KLHL29: variants seen among roughly 807,000 people sequenced by gnomAD.
The protein encoded by KLHL29 is kelch like family member 29.
KLHL29 carries 21 observed loss-of-function variants against 80.4 expected under a neutral mutation model. That is an observed-to-expected ratio of 0.26 (90% CI 0.19 to 0.38). The LOEUF (loss-of-function observed/expected upper bound fraction) is 0.38. Among genes scored for constraint, KLHL29 ranks in the 10% least tolerant of loss-of-function variants. The probability of loss-of-function intolerance (pLI) is 1.00; values close to 1 mark genes in which losing one functional copy is unlikely to be tolerated. For synonymous variants in KLHL29, 511 were observed against 526.8 expected (o/e 0.97, Z 0.41); for missense variants, 867 against 1,223.9 (o/e 0.71, Z 4.35).
chr2:23,606,175 A>AGC (rs1249081010), intron 3 of KLHL29, among the ~76,000 whole-genome samples: 1 of 120,972 alleles, frequency 8.3e-6, no homozygotes, highest in Non-Finnish European at 1.7e-5. Context: ...TGTGTGCGTG[A>AGC]GAGAGAGAGA....
intron 3 of KLHL29, among the ~76,000 whole-genome samples, chr2:23,634,613 C>T (rs567179220): frequency 6.6e-6 from 1 of 152,322 alleles, no homozygotes; most frequent in Admixed American, 6.5e-5. Flanking sequence ...AGTCACTCCT[C>T]AGTGTCCATG....
At chr2:23,481,496 C>T (rs547822130) in intron 2 of KLHL29, among the ~76,000 whole-genome samples, 219 of 152,324 alleles carry the variant, frequency 1.4e-3, no homozygotes, top group African/African-American at 5.0e-3. Flanking sequence ...AGTCAGCCCT[C>T]GCTGGAAAGA....
chr2:23,552,908 C>T (rs1572396321), intron 2 of KLHL29, among the ~76,000 whole-genome samples: 1 of 151,854 alleles, frequency 6.6e-6, no homozygotes, highest in Admixed American at 6.6e-5. Flanking sequence ...TACAGGAGCC[C>T]GTCATCACAT....
intron 1 of KLHL29, among the ~76,000 whole-genome samples, chr2:23,460,538 G>A (rs1257498811): frequency 6.6e-6 from 1 of 152,138 alleles, no homozygotes; most frequent in Non-Finnish European, 1.5e-5. Flanking sequence ...CAAGAATGGG[G>A]TGAAAATGGC....
At chr2:23,404,767 C>T (rs1307862403) in intron 1 of KLHL29, among the ~76,000 whole-genome samples, 1 of 152,218 alleles carries the variant, frequency 6.6e-6, no homozygotes, top group Non-Finnish European at 1.5e-5. Context: ...TCTGTGTTTA[C>T]CTACTCTCTT....
chr2:23,511,376 A>T (rs1459748374), intron 2 of KLHL29, among the ~76,000 whole-genome samples: 2 of 152,220 alleles, frequency 1.3e-5, no homozygotes, highest in Non-Finnish European at 2.9e-5. Context: ...AGAAAGTGTC[A>T]TGCAGTATAA....
chr2:23,633,712 C>T (rs545152893), intron 3 of KLHL29, among the ~76,000 whole-genome samples: 12 of 144,762 alleles, frequency 8.3e-5, no homozygotes, highest in African/African-American at 2.6e-4. Context: ...CCAGGACTGG[C>T]ATAGTGTCGC....
intron 5 of KLHL29, among the ~76,000 whole-genome samples, chr2:23,650,784 G>A (rs895621950): frequency 1.3e-5 from 2 of 152,140 alleles, no homozygotes; most frequent in African/African-American, 2.4e-5. Context: ...TTAAACATCT[G>A]GCATCTGCTG....
chr2:23,488,697 C>T (rs1038757803), intron 2 of KLHL29, among the ~76,000 whole-genome samples: 9 of 152,228 alleles, frequency 5.9e-5, no homozygotes, highest in African/African-American at 1.9e-4. Context: ...GACAGAATCA[C>T]AAGTGTAGGA....
chr2:23,561,424 C>G (rs751907832), intron 2 of KLHL29, among the ~76,000 whole-genome samples: 3 of 152,172 alleles, frequency 2.0e-5, no homozygotes, highest in South Asian at 4.1e-4. Context: ...GTCTGGTTAA[C>G]AGAGGCCAGG....
chr2:23,488,356 G>A (rs930736777), intron 2 of KLHL29, among the ~76,000 whole-genome samples: 4 of 152,228 alleles, frequency 2.6e-5, no homozygotes, highest in Non-Finnish European at 4.4e-5. Flanking sequence ...TCTGGCAGCC[G>A]TCTCTGGGCA....
intron 3 of KLHL29, among the ~76,000 whole-genome samples, chr2:23,612,941 A>G (rs897546865): frequency 6.6e-6 from 1 of 152,210 alleles, no homozygotes; most frequent in Non-Finnish European, 1.5e-5. Context: ...AACAACATAT[A>G]TAGAGAGAAA....
chr2:23,561,199 G>C (rs1328113952), intron 2 of KLHL29, among the ~76,000 whole-genome samples: 2 of 152,186 alleles, frequency 1.3e-5, no homozygotes, highest in African/African-American at 4.8e-5. Context: ...TGGCCTCTGA[G>C]ACCGACAGCT....
At chr2:23,650,211 AAG>A (rs1221673607) in intron 5 of KLHL29, among the ~76,000 whole-genome samples, 3 of 152,206 alleles carry the variant, frequency 2.0e-5, no homozygotes, top group African/African-American at 7.2e-5. Context: ...GGCTGGAGAA[AAG>A]AGGGGTCAGG....
Position 23,642,713 on chromosome 2 carries a change from C to G in KLHL29, c.803C>G (p.Ala268Gly), listed in dbSNP as rs1425846524. Residue 268 changes from alanine (A) to glycine (G), a missense_variant, in exon 5 of 14, where the codon GCC becomes GGC. By Grantham distance (60) the Ala-to-Gly change is moderately conservative. Coordinates refer to ENST00000486442, the MANE Select transcript of KLHL29 (RefSeq NM_052920.2). Reference sequence around the variant, plus strand: ...CCCCTGCTGCCTCCACCGCCGCCAGCCCAGCCGTCCGCCACTCTCCCCAGT... The same window carrying G: ...CCCCTGCTGCCTCCACCGCCGCCAGGCCAGCCGTCCGCCACTCTCCCCAGT... The part of the protein sequence containing the change: ...AGPLLPPPPP[A>G]QPSATLPSGA... 4 of 1,548,590 alleles carry G rather than the reference C, an allele frequency of 2.6e-6. No individual in the cohort carries two copies. Among genetic ancestry groups the G allele is most frequent in the South Asian group, 2.4e-5 (2 of 83,944 alleles).
chr2:23,536,282 C>T (rs1022712378), intron 2 of KLHL29, among the ~76,000 whole-genome samples: 7 of 152,224 alleles, frequency 4.6e-5, no homozygotes, highest in Admixed American at 2.6e-4. Context: ...CAGCAACTCC[C>T]AGCATCATGA....
chr2:23,459,687 G>A (rs1253826043), intron 1 of KLHL29, among the ~76,000 whole-genome samples: 1 of 152,216 alleles, frequency 6.6e-6, no homozygotes, highest in African/African-American at 2.4e-5. Context: ...ACTTGTCGGT[G>A]CATGCACTGT....
chr2:23,675,159 G>A (rs974439411), intron 5 of KLHL29, among the ~76,000 whole-genome samples: 7 of 152,128 alleles, frequency 4.6e-5, no homozygotes, highest in African/African-American at 7.2e-5. Flanking sequence ...TCTCCCGCTC[G>A]GAATATTCCC....
chr2:23,558,427 G>A (rs200013995), intron 2 of KLHL29, among the ~76,000 whole-genome samples: 1 of 25,676 alleles, frequency 3.9e-5, no homozygotes, highest in African/African-American at 1.2e-4. Context: ...TTTTTTCTTT[G>A]GTCTCACTCT....
Sources: gnomAD v4.1 joint callset for allele counts (sites outside exome capture counted in the v4.1 genomes callset) on GRCh38, gnomAD v4.1.1 for gene constraint, MANE v1.5 for transcripts, NCBI Gene and HGNC (gene_info 2026-07-23, HGNC 2026-07-21) for gene names.